The following EI24 variants were observed in gnomAD, a reference collection of about 807,000 sequenced individuals.
The protein encoded by EI24 is EI24 autophagy associated transmembrane protein.
Under a neutral mutation model 48.6 loss-of-function variants are expected in EI24, and 21 were observed. The observed-to-expected ratio is 0.43, with a 90% confidence interval of 0.31 to 0.62. EI24 has a LOEUF of 0.62. EI24 is among the 20% of genes least tolerant of loss of function. EI24 has a pLI of 0.10. For missense variants in EI24, 280 were observed against 410.5 expected (o/e 0.68, Z 2.75); for synonymous variants, 114 against 145.5 (o/e 0.78, Z 1.56).
chr11:125,581,042 A>G lies in EI24; in HGVS notation c.674-169A>G, dbSNP rs564826177. On this transcript the variant is annotated intron_variant, in intron 8 of 10. Transcript: ENST00000278903. The stretch of plus-strand genomic sequence containing the variant: ...CAGTGAGCTGAGATTGCACCACCGC[A>G]CTCCCGCCTGGGCATCAAAGCAAGA... 290 of 178,150 alleles carry G rather than the reference A, an allele frequency of 1.6e-3. 2 individuals carry two copies. The highest frequency in any genetic ancestry group is 6.7e-3 in the African/African-American group (279 of 41,788). 11.0% of individuals were successfully genotyped at this position (178,150 alleles called of 1,614,324 possible).
At chr11:125,579,132 G>C in intron 7 of EI24, 64 bp downstream of exon 7, 1 of 1,481,142 alleles carries the variant, frequency 6.8e-7, no homozygotes, top group Non-Finnish European at 9.1e-7. Flanking sequence ...TCACTAGAGA[G>C]AACTTCACAA....
At chr11:125,579,341 G>C (rs1170137532) in intron 7 of EI24, among the ~76,000 whole-genome samples, 1 of 151,334 alleles carries the variant, frequency 6.6e-6, no homozygotes, top group Non-Finnish European at 1.5e-5. Flanking sequence ...TCTTTTTATA[G>C]TTATGCCTAA....
Position 125,569,525 on chromosome 11 carries a change from C to T in EI24, c.-119C>T, listed in dbSNP as rs949800872. 2.6e-5 allele frequency: 10 copies of T among 383,138 alleles called. No homozygotes were observed. The highest frequency in any genetic ancestry group is 1.5e-4 in the African/African-American group (7 of 47,982). 23.7% of individuals were successfully genotyped at this position (383,138 alleles called of 1,614,324 possible). On this transcript the variant is annotated 5_prime_UTR_variant, in exon 1 of 11. Coordinates refer to ENST00000278903, the MANE Select transcript of EI24 (RefSeq NM_004879.5). ...CCTGGAAGCGCCCCGGCGGAGCTGG[C>T]CTGCGGTGGGCTAGGGGCAGGGCCG...
chr11:125,580,224 T>C lies in EI24; in HGVS notation c.673+20T>C, dbSNP rs1323845838. ...ATAAAGGTAAGTCCATCTAAAGAAA[T>C]CCAGAAAATGGAGGCCCAGTTTGGA... On this transcript the variant is annotated intron_variant, in intron 8 of 10. Transcript: ENST00000278903. The C allele has an allele frequency of 6.4e-7, 1 of 1,564,920 alleles. No individual in the cohort carries two copies. Among genetic ancestry groups the C allele is most frequent in the East Asian group, 2.2e-5 (1 of 44,660 alleles).
intron 5 of EI24, 186 bp from the exon 6 acceptor site, chr11:125,577,947 G>T: frequency 1.5e-6 from 1 of 678,874 alleles, no homozygotes; most frequent in Non-Finnish European, 2.4e-6. Context: ...TCTTTGAATT[G>T]GAATTGTGGC....
chr11:125,583,730 G>T lies in EI24; in HGVS notation c.*47G>T. On this transcript the variant is annotated 3_prime_UTR_variant, in exon 11 of 11. Transcript: ENST00000278903. ...ATGGGCGGGATTGGAAGAAGCTGTG[G>T]CAGCTCTTTTCCCTGTTCACCTCCC... is the stretch of plus-strand genomic sequence containing the variant. The T allele has an allele frequency of 1.3e-6, 2 of 1,587,464 alleles. No individual in the cohort carries two copies. The highest frequency in any genetic ancestry group is 1.7e-6 in the Non-Finnish European group (2 of 1,166,672).
At chr11:125,573,682 T>TTC (rs1938620453) in intron 2 of EI24, 1 of 144,244 alleles carries the variant, frequency 6.9e-6, no homozygotes, top group Non-Finnish European at 1.5e-5. Context: ...TGATCTCCTT[T>TTC]TTTTTTTTTT....
intron 3 of EI24, among the ~76,000 whole-genome samples, 173 bp downstream of exon 3, chr11:125,575,581 A>C (rs916333914): frequency 6.6e-6 from 1 of 152,186 alleles, no homozygotes; most frequent in Non-Finnish European, 1.5e-5. Context: ...ATCCTTGCTA[A>C]AAATGTCATG....
At chr11:125,575,475 T>G (rs559852456) in intron 3 of EI24, 67 bp downstream of exon 3, 13 of 1,412,194 alleles carry the variant, frequency 9.2e-6, no homozygotes, top group Non-Finnish European at 1.2e-5. Flanking sequence ...GACTTGATGT[T>G]TCAGTGCCAT....
chr11:125,583,693 C>T lies in EI24; in HGVS notation c.*10C>T, dbSNP rs537440305. The T allele has an allele frequency of 3.4e-5, 54 of 1,610,272 alleles. No individual in the cohort carries two copies. In the Admixed American group the frequency reaches 8.9e-4, roughly 27 times the overall value. On this transcript the variant is annotated 3_prime_UTR_variant, in exon 11 of 11. Coordinates refer to ENST00000278903, the MANE Select transcript of EI24 (RefSeq NM_004879.5). ...TACTGCAGGTCACTGAGTTGCCTGC[C>T]ATCCAAAGGGGATGGGCGGGATTGG... is the stretch of plus-strand genomic sequence containing the variant.
At chr11:125,582,209 A>T in intron 9 of EI24, 137 bp from the exon 10 acceptor site, 1 of 794,594 alleles carries the variant, frequency 1.3e-6, no homozygotes, top group Non-Finnish European at 1.9e-6. Context: ...AAAAAAAAAA[A>T]TGTTTGAAAT....
At chr11:125,572,905 G>A (rs951026132) in intron 2 of EI24, among the ~76,000 whole-genome samples, 3 of 149,868 alleles carry the variant, frequency 2.0e-5, no homozygotes, top group African/African-American at 7.4e-5. Flanking sequence ...AGTACAGAGA[G>A]TTCCTGTATG....
chr11:125,570,987 C>T (rs1171996056), intron 1 of EI24, among the ~76,000 whole-genome samples: 7 of 152,070 alleles, frequency 4.6e-5, no homozygotes, highest in Non-Finnish European at 1.0e-4. Flanking sequence ...AGTTTCTTAC[C>T]CTAGAGACTT....
At position 125,583,712 on chromosome 11, in the gene EI24, G is replaced by C; in HGVS notation, c.*29G>C. 2.5e-6 allele frequency: 4 copies of C among 1,602,500 alleles called. No individual in the cohort carries two copies. The highest frequency in any genetic ancestry group is 1.7e-6 in the Non-Finnish European group (2 of 1,174,456). ...GCCTGCCATCCAAAGGGGATGGGCG[G>C]GATTGGAAGAAGCTGTGGCAGCTCT... On this transcript the variant is annotated 3_prime_UTR_variant, in exon 11 of 11. Coordinates refer to ENST00000278903, the MANE Select transcript of EI24 (RefSeq NM_004879.5).
intron 1 of EI24, among the ~76,000 whole-genome samples, chr11:125,572,023 T>C (rs1308948409): frequency 6.6e-6 from 1 of 152,216 alleles, no homozygotes; most frequent in East Asian, 1.9e-4. Flanking sequence ...CTTGCTCTTG[T>C]ATTTTCATTC....
At chr11:125,571,815 T>G (rs1591352143) in intron 1 of EI24, among the ~76,000 whole-genome samples, 1 of 151,992 alleles carries the variant, frequency 6.6e-6, no homozygotes, top group East Asian at 1.9e-4. Flanking sequence ...GAGGTGGAGG[T>G]TGCAGTGAGC....
At chr11:125,574,521 C>G (rs1938656900) in intron 2 of EI24, among the ~76,000 whole-genome samples, 1 of 152,212 alleles carries the variant, frequency 6.6e-6, no homozygotes, top group Non-Finnish European at 1.5e-5. Context: ...CATCAACTTG[C>G]CCATTTCTCT....
At chr11:125,569,625 C>T in intron 1 of EI24, 52 bp downstream of exon 1, 1 of 353,508 alleles carries the variant, frequency 2.8e-6, no homozygotes, top group African/African-American at 2.1e-5. Flanking sequence ...GCCGCCCATT[C>T]TGAGTGGCAG....
chr11:125,580,133 A>G lies in EI24; in HGVS notation c.602A>G (p.Gln201Arg), dbSNP rs1938934297. The G allele has an allele frequency of 6.2e-7, 1 of 1,613,922 alleles. No homozygotes were observed. The highest frequency in any genetic ancestry group is 8.5e-7 in the Non-Finnish European group (1 of 1,179,804). The change falls in exon 8 of 11, where the codon CAG (glutamine) becomes CGG (arginine). Residue 201 changes from glutamine (Q) to arginine (R), a missense_variant. By Grantham distance (43) the Gln-to-Arg change is conservative (BLOSUM62 1). This residue lies in a region of EI24 where 204 missense variants were observed against 294.1 expected (regional missense o/e 0.69). Transcript: ENST00000278903. ...VSLFPIHLVG[Q>R]LVSLLHMSLL... ...CTCTTTCCCATCCATCTTGTCGGTC[A>G]GCTGGTTAGTCTCCTGCATATGTCC...
Sources: gnomAD v4.1 joint callset for allele counts (sites outside exome capture counted in the v4.1 genomes callset) on GRCh38, gnomAD v4.1.1 for gene constraint, gnomAD v4.1.1 regional missense constraint, MANE v1.5 for transcripts, NCBI Gene and HGNC (gene_info 2026-07-23, HGNC 2026-07-21) for gene names.